The following IRGM variants were observed in gnomAD, a reference collection of about 807,000 sequenced individuals.
The protein encoded by IRGM is immunity related GTPase M.
For missense variants in IRGM, 288 were observed against 219.9 expected, an observed-to-expected ratio of 1.31 and a Z score of -1.96; for synonymous variants, 98 against 80.6, an observed-to-expected ratio of 1.22 and a Z score of -1.16.
At chr5:150,891,569 G>A (rs953728827) in intron 3 of IRGM, among the ~76,000 whole-genome samples, 2 of 151,906 alleles carry the variant, frequency 1.3e-5, no homozygotes, top group Non-Finnish European at 2.9e-5. Context: ...TGTTATTTTA[G>A]TGGTTTAGCA....
intron 3 of IRGM, among the ~76,000 whole-genome samples, chr5:150,885,189 T>G (rs1754500052): frequency 1.3e-5 from 2 of 152,140 alleles, no homozygotes; most frequent in African/African-American, 2.4e-5. Flanking sequence ...TTTTTCCCAT[T>G]GCTTTTGTCA....
intron 3 of IRGM, chr5:150,896,707 C>T (rs1360160238): frequency 6.2e-7 from 1 of 1,613,516 alleles, no homozygotes; most frequent in Non-Finnish European, 8.5e-7. Flanking sequence ...ATTGATATAT[C>T]TGTTTCTATG....
intron 3 of IRGM, among the ~76,000 whole-genome samples, chr5:150,891,755 G>A (rs1310671420): frequency 6.6e-6 from 1 of 152,074 alleles, no homozygotes; most frequent in Non-Finnish European, 1.5e-5. Flanking sequence ...AATTGTGTAT[G>A]ATATGGCACT....
intron 1 of IRGM, among the ~76,000 whole-genome samples, chr5:150,868,069 T>G (rs1015248172): frequency 2.0e-5 from 3 of 152,182 alleles, no homozygotes; most frequent in African/African-American, 4.8e-5. Context: ...TTTAGAAAGG[T>G]TTTTCTAATA....
chr5:150,878,181 TG>T, intron 2 of IRGM: 12 of 366,414 alleles, frequency 3.3e-5, no homozygotes, highest in South Asian at 8.6e-5. Context: ...CTTTTTTTTT[TG>T]TTGTTGTTGT....
intron 1 of IRGM, among the ~76,000 whole-genome samples, chr5:150,877,221 G>A (rs1754377967): frequency 1.3e-5 from 2 of 152,104 alleles, no homozygotes; most frequent in African/African-American, 4.8e-5. Context: ...ATTGTTCCTG[G>A]GTGTGTCTGT....
intron 1 of IRGM, among the ~76,000 whole-genome samples, chr5:150,864,403 C>CTCT (rs978627005): frequency 2.0e-5 from 3 of 152,154 alleles, no homozygotes; most frequent in African/African-American, 7.2e-5. Flanking sequence ...TTCTCCCCAG[C>CTCT]TCTTGTTCCT....
chr5:150,853,130 T>G (rs1007461431), downstream of IRGM, among the ~76,000 whole-genome samples: 1 of 152,152 alleles, frequency 6.6e-6, no homozygotes, highest in Admixed American at 6.5e-5. Flanking sequence ...GTCCCATTAG[T>G]TTTTGCAAAT....
chr5:150,870,831 T>G (rs1754272530), intron 1 of IRGM, among the ~76,000 whole-genome samples: 1 of 152,156 alleles, frequency 6.6e-6, no homozygotes, highest in Non-Finnish European at 1.5e-5. Context: ...TTAACTGTTT[T>G]TTTGTTGTTG....
At chr5:150,864,129 G>T (rs1754173480) in intron 1 of IRGM, among the ~76,000 whole-genome samples, 2 of 152,072 alleles carry the variant, frequency 1.3e-5, no homozygotes, top group Non-Finnish European at 2.9e-5. Flanking sequence ...AGGGTCCCAA[G>T]AAAACAAAAG....
intron 1 of IRGM, among the ~76,000 whole-genome samples, chr5:150,872,776 A>T (rs528900612): frequency 6.6e-6 from 1 of 152,288 alleles, no homozygotes; most frequent in South Asian, 2.1e-4. Flanking sequence ...GGAAATGCCT[A>T]ATCTCCCTTG....
intron 3 of IRGM, among the ~76,000 whole-genome samples, chr5:150,889,665 T>C (rs1754578046): frequency 6.6e-6 from 1 of 152,062 alleles, no homozygotes; most frequent in Non-Finnish European, 1.5e-5. Flanking sequence ...TTGTTCTTTA[T>C]TTTAAAAAAA....
At chr5:150,863,265 T>C (rs1754161561) in intron 1 of IRGM, among the ~76,000 whole-genome samples, 1 of 152,064 alleles carries the variant, frequency 6.6e-6, no homozygotes, top group East Asian at 1.9e-4. Context: ...CAGAAAAAAG[T>C]TTTAGACCAC....
rs566346125 is a variant in IRGM at position 150,872,245 on chromosome 5, C to T, written c.159-5735C>T. Reference sequence around the variant, plus strand: ...CTGGGGACACTGAATTTGTAAATTCCGATGAGCCTTTTTTTGCCAGAAGAA... The same window carrying T: ...CTGGGGACACTGAATTTGTAAATTCTGATGAGCCTTTTTTTGCCAGAAGAA... On this transcript the variant is annotated intron_variant and NMD_transcript_variant, in intron 1 of 3. Coordinates refer to the IRGM transcript ENST00000520549. Among the ~76,000 whole-genome samples, 6 of 152,256 alleles carry T rather than the reference C, an allele frequency of 3.9e-5. No homozygotes were observed. In the East Asian group the frequency reaches 7.7e-4, roughly 20 times the overall value.
intron 3 of IRGM, among the ~76,000 whole-genome samples, chr5:150,891,426 C>G (rs1264044251): frequency 6.6e-6 from 1 of 151,980 alleles, no homozygotes; most frequent in Non-Finnish European, 1.5e-5. Context: ...TATGTTTAAT[C>G]TGAGTATATC....
At chr5:150,856,967 C>A (rs189385095) in intron 1 of IRGM, among the ~76,000 whole-genome samples, 77 of 150,172 alleles carry the variant, frequency 5.1e-4, no homozygotes, top group African/African-American at 1.8e-3. Context: ...GTTTAGCGTA[C>A]ATGTGCACAA....
chr5:150,862,670 AAG>A (rs1255591166), intron 1 of IRGM, among the ~76,000 whole-genome samples: 3 of 152,200 alleles, frequency 2.0e-5, no homozygotes, highest in African/African-American at 4.8e-5. Flanking sequence ...AGGTATGTAA[AAG>A]AGGTAATAAA....
intron 3 of IRGM, among the ~76,000 whole-genome samples, chr5:150,880,224 C>T (rs986183562): frequency 2.6e-5 from 4 of 152,096 alleles, no homozygotes; most frequent in Non-Finnish European, 5.9e-5. Flanking sequence ...TTTGAAAATG[C>T]CACATTGTTT....
chr5:150,853,754 G>A (rs1054841576), intron 1 of IRGM, among the ~76,000 whole-genome samples: 2 of 151,920 alleles, frequency 1.3e-5, no homozygotes, highest in African/African-American at 2.4e-5. Context: ...TGTTTGCATG[G>A]AATATCTCTT....
Sources: gnomAD v4.1 joint callset for allele counts (sites outside exome capture counted in the v4.1 genomes callset) on GRCh38, gnomAD v4.1.1 for gene constraint, MANE v1.5 for transcripts, NCBI Gene and HGNC (gene_info 2026-07-23, HGNC 2026-07-21) for gene names.